ZNF236: variants seen among roughly 807,000 people sequenced by gnomAD.
The protein encoded by ZNF236 is regulated by glucose.
ZNF236 carries 50 observed loss-of-function variants against 191.2 expected under a neutral mutation model. The ratio of observed to expected loss-of-function variants is 0.26; its 90% CI spans 0.21 to 0.33. The LOEUF (loss-of-function observed/expected upper bound fraction) is 0.33. ZNF236 is among the 10% of genes least tolerant of loss of function. ZNF236 has a pLI of 1.00. For missense variants in ZNF236, 1,754 were observed against 2,374.5 expected (o/e 0.74, Z 5.43); for synonymous variants, 907 against 928.8 (o/e 0.98, Z 0.43).
chr18:76,934,055 T>A (rs1967930680), intron 25 of ZNF236, among the ~76,000 whole-genome samples: 1 of 152,370 alleles, frequency 6.6e-6, no homozygotes, highest in Non-Finnish European at 1.5e-5. Context: ...ATGTTGAGCA[T>A]AATGAATATG....
At chr18:76,866,376 A>G (rs1976403235) in intron 3 of ZNF236, among the ~76,000 whole-genome samples, 1 of 152,172 alleles carries the variant, frequency 6.6e-6, no homozygotes, top group African/African-American at 2.4e-5. Context: ...GCATTAGGAA[A>G]AGAAGCATGG....
Position 76,960,770 on chromosome 18 carries a change from G to T in ZNF236, c.5334G>T (p.Arg1778=), listed in dbSNP as rs2122964671. ...QVHMKKHTGE[R]PYKCAYCVMG... ...ACATGAAGAAGCACACGGGGGAGCGGCCCTACAAGTGTGCCTACTGCGTCA... is the reference window on the plus strand; with the variant it reads ...ACATGAAGAAGCACACGGGGGAGCGTCCCTACAAGTGTGCCTACTGCGTCA... Residue 1778 remains arginine, a synonymous_variant, in exon 30 of 31, where the codon CGG becomes CGT. Transcript: ENST00000320610. The surrounding 1 kb of genome is among the most constrained non-coding windows in gnomAD (Gnocchi z 4.4). The T allele has an allele frequency of 1.2e-6, 2 of 1,614,180 alleles. No homozygotes were observed. Among genetic ancestry groups the T allele is most frequent in the African/African-American group, 2.7e-5 (2 of 75,054 alleles).
chr18:76,886,395 C>G (rs1334166100), intron 9 of ZNF236: 2 of 153,362 alleles, frequency 1.3e-5, no homozygotes, highest in African/African-American at 4.8e-5. Context: ...ACTTTCCTGT[C>G]TGACAAGTTC....
chr18:76,863,747 A>G (rs1355251855), intron 3 of ZNF236, among the ~76,000 whole-genome samples: 1 of 152,160 alleles, frequency 6.6e-6, no homozygotes, highest in African/African-American at 2.4e-5. Flanking sequence ...TATGTGGTAA[A>G]TGTCCTTCAG....
intron 1 of ZNF236, among the ~76,000 whole-genome samples, chr18:76,836,142 G>A (rs1479796953): frequency 1.3e-5 from 2 of 152,020 alleles, no homozygotes; most frequent in South Asian, 2.1e-4. Context: ...TTCTGACCTC[G>A]TGATCTGCCC....
At chr18:76,882,067 C>A (rs566014109) in intron 9 of ZNF236, among the ~76,000 whole-genome samples, 1 of 152,210 alleles carries the variant, frequency 6.6e-6, no homozygotes, top group Non-Finnish European at 1.5e-5. Context: ...CATCCGCCCT[C>A]CCTCTGTGCT....
At chr18:76,850,373 A>G in intron 2 of ZNF236, among the ~76,000 whole-genome samples, 1 of 152,186 alleles carries the variant, frequency 6.6e-6, no homozygotes, top group Non-Finnish European at 1.5e-5. Context: ...AGCTATGATA[A>G]TATAATATAA....
intron 9 of ZNF236, among the ~76,000 whole-genome samples, chr18:76,883,002 C>T (rs376496923): frequency 6.6e-6 from 1 of 152,228 alleles, no homozygotes; most frequent in South Asian, 2.1e-4. Flanking sequence ...CAGCAAGCCA[C>T]TGAGTGAGGA....
At chr18:76,917,714 A>C (rs1228835308) in intron 19 of ZNF236, among the ~76,000 whole-genome samples, 1 of 152,046 alleles carries the variant, frequency 6.6e-6, no homozygotes. Flanking sequence ...TCTGTGCTAT[A>C]CTGATTGTGT....
intron 25 of ZNF236, among the ~76,000 whole-genome samples, chr18:76,932,537 A>G (rs1426267275): frequency 6.6e-6 from 1 of 152,192 alleles, no homozygotes; most frequent in African/African-American, 2.4e-5. Context: ...TCATGTTGCA[A>G]TGTGAAGACG....
intron 5 of ZNF236, among the ~76,000 whole-genome samples, chr18:76,874,426 C>T (rs1228134028): frequency 6.6e-6 from 1 of 152,070 alleles, no homozygotes. Flanking sequence ...CTCATTCCTT[C>T]ATTCATCAGA....
rs537652167 is a variant in ZNF236 at position 76,868,611 on chromosome 18, G to A, written c.364-74G>A. Reference sequence around the variant, plus strand: ...TTTTCATTTAATTTGTGTATTAACCGTTGATCATACCAGTTCTTTGAAGGA... The same window carrying A: ...TTTTCATTTAATTTGTGTATTAACCATTGATCATACCAGTTCTTTGAAGGA... On this transcript the variant is annotated intron_variant, in intron 3 of 30. Coordinates refer to ENST00000320610, the MANE Select transcript of ZNF236 (RefSeq NM_001306089.2). The A allele has an allele frequency of 6.9e-5, 88 of 1,282,222 alleles. 1 individual carries two copies. In the Admixed American group the frequency reaches 1.3e-3, roughly 18 times the overall value. The allele number at this position is 1,282,222 out of a possible 1,614,324, so 79.4% of individuals were successfully genotyped here. A position where few individuals can be genotyped will look rare whatever the true frequency, so the allele number is the denominator to read the frequency against.
chr18:76,877,117 G>A (rs1599356283), intron 6 of ZNF236, among the ~76,000 whole-genome samples: 1 of 152,312 alleles, frequency 6.6e-6, no homozygotes, highest in East Asian at 1.9e-4. Context: ...CTGGGTTTTA[G>A]TAATAGAGAA....
Position 76,956,020 on chromosome 18 carries a change from C to T in ZNF236, c.4950C>T (p.Asn1650=), listed in dbSNP as rs774338904. ...TCTCTGGGAACCTGGCCCCGGGCAA[C>T]CAGCCAGAGAAGGAGGGCCGGGCGC... ...AGVSGNLAPG[N]QPEKEGRAHQ... Residue 1650 remains asparagine (N), a synonymous_variant, in exon 28 of 31, where the codon AAC becomes AAT. Transcript: ENST00000320610. 3.2e-5 allele frequency: 52 copies of T among 1,610,584 alleles called. 1 individual carries two copies. In the South Asian group the frequency reaches 5.4e-4, roughly 17 times the overall value.
At chr18:76,883,723 T>C (rs1203536755) in intron 9 of ZNF236, among the ~76,000 whole-genome samples, 2 of 152,162 alleles carry the variant, frequency 1.3e-5, no homozygotes, top group African/African-American at 2.4e-5. Flanking sequence ...CTACCACACT[T>C]AGCCTGGGGA....
intron 1 of ZNF236, among the ~76,000 whole-genome samples, chr18:76,843,805 A>AAAAAAAGAG (rs1975590988): frequency 7.3e-6 from 1 of 137,112 alleles, no homozygotes; most frequent in African/African-American, 2.7e-5. Flanking sequence ...AAAAAAAAAA[A>AAAAAAAGAG]GTAAAGAAGA....
intron 1 of ZNF236, among the ~76,000 whole-genome samples, chr18:76,837,418 T>C (rs1030717321): frequency 6.7e-6 from 1 of 149,948 alleles, no homozygotes; most frequent in East Asian, 1.9e-4. Context: ...TCTGAATTCC[T>C]TTTTTTCTTT....
chr18:76,932,717 C>A (rs571502494), intron 25 of ZNF236, among the ~76,000 whole-genome samples: 1 of 152,258 alleles, frequency 6.6e-6, no homozygotes, highest in Non-Finnish European at 1.5e-5. Context: ...TTAGTGAGCC[C>A]CTGGCACATT....
In ZNF236 at chr18:76,955,994, G is replaced by A. The variant is rs371406733; in HGVS notation, c.4924G>A (p.Val1642Ile). ...CEEIAYQVAG[V>I]SGNLAPGNQP... ...TTCTGGCTCTTTCCAGGTAGCTGGC[G>A]TCTCTGGGAACCTGGCCCCGGGCAA... The change falls in exon 28 of 31, where the codon GTC (valine) becomes ATC (isoleucine). Residue 1642 changes from valine (V) to isoleucine (I), a missense_variant. Val to Ile is a conservative substitution (Grantham distance 29). This residue lies in a region of ZNF236 where 606 missense variants were observed against 761.5 expected (regional missense o/e 0.80). Transcript: ENST00000320610. The A allele has an allele frequency of 1.4e-5, 23 of 1,608,852 alleles. No individual in the cohort carries two copies. Among genetic ancestry groups the A allele is most frequent in the East Asian group, 2.2e-5 (1 of 44,804 alleles).
Sources: allele counts gnomAD v4.1 joint callset (sites outside exome capture counted in the v4.1 genomes callset), GRCh38; gene constraint gnomAD v4.1.1; regional missense constraint gnomAD v4.1.1; non-coding constraint Gnocchi (gnomAD v3.1); transcripts MANE v1.5; gene names NCBI Gene and HGNC (gene_info 2026-07-23, HGNC 2026-07-21).